The following GLRA3 variants were observed in gnomAD, a reference collection of about 807,000 sequenced individuals.
GLRA3 encodes glycine receptor alpha 3.
In GLRA3, 44 loss-of-function variants were observed where a neutral mutation model predicts 60.4. That is an observed-to-expected ratio of 0.73 (90% CI 0.57 to 0.94). The LOEUF is 0.94. Among genes scored for constraint, GLRA3 ranks in the 40% least tolerant of loss-of-function variants. The pLI, the probability that GLRA3 is intolerant of heterozygous loss-of-function variation, is 0.00. For synonymous variants in GLRA3, 223 were observed against 192.9 expected (o/e 1.16, Z -1.29); for missense variants, 508 against 564.6 (o/e 0.90, Z 1.02).
At position 174,809,693 on chromosome 4, in the gene GLRA3, G is replaced by A. The variant is rs577758407; in HGVS notation, c.71+19048C>T. On this transcript the variant is annotated intron_variant, in intron 1 of 9. Transcript: ENST00000274093. Reference sequence around the variant, plus strand: ...GGTTGCAATGAACCAAGATTGTGCCGCTGCACTCCAGCCTGGGTGACAGAG... The same window carrying A: ...GGTTGCAATGAACCAAGATTGTGCCACTGCACTCCAGCCTGGGTGACAGAG... Among the ~76,000 whole-genome samples, 59 of 152,104 alleles carry A rather than the reference G, an allele frequency of 3.9e-4. 1 individual carries two copies. The South Asian group carries it at 7.1e-3, about 18-fold the overall frequency.
chr4:174,663,977 T>A (rs559757666), intron 7 of GLRA3, among the ~76,000 whole-genome samples: 68 of 152,232 alleles, frequency 4.5e-4, no homozygotes, highest in African/African-American at 1.5e-3. Context: ...GGAAATAAAA[T>A]CTAAAGGTTT....
intron 1 of GLRA3, among the ~76,000 whole-genome samples, chr4:174,799,399 A>G (rs534972214): frequency 8.5e-5 from 13 of 152,374 alleles, no homozygotes; most frequent in Non-Finnish European, 1.2e-4. Flanking sequence ...AGACCTAGAT[A>G]AAAAGAAATT....
chr4:174,741,644 C>G (rs1272302782), intron 3 of GLRA3, among the ~76,000 whole-genome samples: 1 of 151,956 alleles, frequency 6.6e-6, no homozygotes, highest in African/African-American at 2.4e-5. Context: ...GGTGTTATAT[C>G]TAAGAGCTCG....
At chr4:174,791,704 A>T (rs1004085493) in intron 1 of GLRA3, among the ~76,000 whole-genome samples, 6 of 152,066 alleles carry the variant, frequency 3.9e-5, no homozygotes, top group Admixed American at 3.9e-4. Context: ...CTCCCTAAGC[A>T]TGCTTCTATT....
rs1041524659 is a variant in GLRA3 at position 174,712,227 on chromosome 4, G to T, written c.574+3261C>A. 2.0e-5 allele frequency among the ~76,000 whole-genome samples: 3 copies of T among 151,994 alleles called. No homozygotes were observed. In the East Asian group the frequency reaches 5.8e-4, roughly 29 times the overall value. On this transcript the variant is annotated intron_variant, in intron 5 of 9. Transcript: ENST00000274093. Reference sequence around the variant, plus strand: ...AGACAAAGTAGTCTTTTCTAAGTTAGTTATTCATTGTTAATTTTGTTCTTC... The same window carrying T: ...AGACAAAGTAGTCTTTTCTAAGTTATTTATTCATTGTTAATTTTGTTCTTC...
intron 1 of GLRA3, among the ~76,000 whole-genome samples, chr4:174,793,819 C>G (rs149455997): frequency 6.6e-6 from 1 of 152,200 alleles, no homozygotes; most frequent in East Asian, 1.9e-4. Flanking sequence ...AGGAATAATT[C>G]TATCTATCAT....
chr4:174,766,212 T>C (rs749337766), intron 3 of GLRA3, among the ~76,000 whole-genome samples: 1 of 152,020 alleles, frequency 6.6e-6, no homozygotes, highest in African/African-American at 2.4e-5. Context: ...TCACAAACCA[T>C]ACTTACTAAA....
At chr4:174,727,386 A>G (rs1579513390) in intron 4 of GLRA3, among the ~76,000 whole-genome samples, 2 of 152,200 alleles carry the variant, frequency 1.3e-5, no homozygotes, top group African/African-American at 4.8e-5. Flanking sequence ...AGAGAGAGAT[A>G]AAACAGAATG....
chr4:174,688,014 G>A (rs992831484), intron 5 of GLRA3, among the ~76,000 whole-genome samples: 8 of 151,124 alleles, frequency 5.3e-5, no homozygotes, highest in Non-Finnish European at 7.4e-5. Context: ...AAAACAAAAC[G>A]AAAACCCTCT....
At chr4:174,742,854 G>A (rs559778642) in intron 3 of GLRA3, among the ~76,000 whole-genome samples, 1 of 152,142 alleles carries the variant, frequency 6.6e-6, no homozygotes, top group African/African-American at 2.4e-5. Flanking sequence ...AGCAGAGTTG[G>A]TGGAGAAGGA....
At position 174,771,941 on chromosome 4, in the gene GLRA3, CTG is replaced by C. The variant is rs1322156472; in HGVS notation, c.200-4913_200-4912del. On this transcript the variant is annotated intron_variant, in intron 2 of 9. Coordinates refer to ENST00000274093, the MANE Select transcript of GLRA3 (RefSeq NM_006529.4). ...TTCAAGGTTCTGAAGTTAGTGAAAT[CTG>C]TGCTGGCACATTTCAGTGTCCCTTG... is the stretch of plus-strand genomic sequence containing the variant. Among the ~76,000 whole-genome samples the C allele has an allele frequency of 3.5e-4, 53 of 152,274 alleles. 1 individual carries two copies. In the Middle Eastern group the frequency reaches 0.02, roughly 59 times the overall value.
rs138208888 is a variant in GLRA3, at chr4:174,721,552, TA to T, written c.492-5983del. 7.4e-3 allele frequency among the ~76,000 whole-genome samples: 1,117 copies of T among 151,878 alleles called. 15 individuals are homozygous for T. The highest frequency in any genetic ancestry group is 0.025 in the African/African-American group (1,052 of 41,496). On this transcript the variant is annotated intron_variant, in intron 4 of 9. Coordinates refer to ENST00000274093, the MANE Select transcript of GLRA3 (RefSeq NM_006529.4). ...TTAAATATATTTAAGAATGAGGCAC[TA>T]AAAACTATCTGGAGCTCAGTTAGTA...
rs1335967889 is a variant in GLRA3, at chr4:174,677,300, G to T, written c.713-8C>A. 9.1e-6 allele frequency: 14 copies of T among 1,535,432 alleles called. No homozygotes were observed. The highest frequency in any genetic ancestry group is 1.2e-5 in the Non-Finnish European group (13 of 1,110,126). On this transcript the variant is annotated splice_region_variant and splice_polypyrimidine_tract_variant and intron_variant, in intron 6 of 9. Coordinates refer to ENST00000274093, the MANE Select transcript of GLRA3 (RefSeq NM_006529.4). The stretch of plus-strand genomic sequence containing the variant: ...CTATACACGTAAACTTTCCTAATTG[G>T]TGGTAAGGTAAATACAGCAATTAGT...
At chr4:174,677,950 A>G (rs1734194742) in intron 6 of GLRA3, among the ~76,000 whole-genome samples, 1 of 152,186 alleles carries the variant, frequency 6.6e-6, no homozygotes, top group African/African-American at 2.4e-5. Flanking sequence ...CTTTACTCAT[A>G]GACTGTTTCT....
Position 174,659,026 on chromosome 4 carries a change from GCCAAAC to G in GLRA3, c.1071+22_1071+27del, listed in dbSNP as rs532125507. On this transcript the variant is annotated intron_variant, in intron 8 of 9. Transcript: ENST00000274093. Reference sequence around the variant, plus strand: ...CACTTTCGAGTGAAAACTGGATTCTGCCAAACCCAATACGTTTAATCACTTACCTTA... The same window carrying G: ...CACTTTCGAGTGAAAACTGGATTCTGCCAATACGTTTAATCACTTACCTTA... 3.5e-5 allele frequency: 55 copies of G among 1,593,184 alleles called. No homozygotes were observed. In the African/African-American group the frequency reaches 6.5e-4, roughly 19 times the overall value.
At chr4:174,749,046 A>G (rs1457360592) in intron 3 of GLRA3, among the ~76,000 whole-genome samples, 1 of 152,116 alleles carries the variant, frequency 6.6e-6, no homozygotes, top group Admixed American at 6.6e-5. Flanking sequence ...ATTCCCTGTC[A>G]TGTCACTAGT....
At chr4:174,786,820 C>T (rs910453106) in intron 2 of GLRA3, among the ~76,000 whole-genome samples, 1 of 152,010 alleles carries the variant, frequency 6.6e-6, no homozygotes, top group Non-Finnish European at 1.5e-5. Context: ...GTTCAGAGCA[C>T]AAGATATTTT....
At chr4:174,769,951 T>G (rs1738313406) in intron 2 of GLRA3, among the ~76,000 whole-genome samples, 1 of 152,164 alleles carries the variant, frequency 6.6e-6, no homozygotes, top group Admixed American at 6.6e-5. Flanking sequence ...CCAAAGCCAT[T>G]TTGTAGATGA....
intron 1 of GLRA3, among the ~76,000 whole-genome samples, chr4:174,799,217 G>A (rs915693572): frequency 4.6e-5 from 7 of 152,168 alleles, no homozygotes; most frequent in Non-Finnish European, 1.5e-5. Flanking sequence ...GATTACAGAT[G>A]AAGAAACAAA....
Sources: allele counts gnomAD v4.1 joint callset (sites outside exome capture counted in the v4.1 genomes callset), GRCh38; gene constraint gnomAD v4.1.1; transcripts MANE v1.5; gene names NCBI Gene and HGNC (gene_info 2026-07-23, HGNC 2026-07-21).